Variants in PIWIL3 observed in about 807,000 individuals in gnomAD.
PIWIL3 encodes piwi-like protein 3.
Under a neutral mutation model 109.7 loss-of-function variants are expected in PIWIL3, and 101 were observed. The ratio of observed to expected loss-of-function variants is 0.92; its 90% CI spans 0.78 to 1.09. The LOEUF (loss-of-function observed/expected upper bound fraction) is 1.09. Ranked by LOEUF, PIWIL3 falls within the 50% of genes least tolerant of loss-of-function variation. The pLI is 0.00. For missense variants in PIWIL3, 1,031 were observed against 1,072.6 expected, an observed-to-expected ratio of 0.96 and a Z score of 0.54; for synonymous variants, 373 against 376.4, an observed-to-expected ratio of 0.99 and a Z score of 0.10.
At chr22:24,744,178 T>TAAAAAAAAAAAAAAAAAAAAAAAA (rs1188611412) in intron 12 of PIWIL3, among the ~76,000 whole-genome samples, 2 of 34,304 alleles carry the variant, frequency 5.8e-5, no homozygotes, top group Non-Finnish European at 5.7e-5. Flanking sequence ...GTGACCGAAT[T>TAAAAAAAAAAAAAAAAAAAAAAAA]AAAAAAAAAA....
intron 18 of PIWIL3, 148 bp downstream of exon 18, chr22:24,724,739 T>C: frequency 2.2e-6 from 2 of 926,204 alleles, no homozygotes; most frequent in Non-Finnish European, 3.1e-6. Flanking sequence ...ACCCGGCCAA[T>C]TTTTTCATTT....
chr22:24,722,304 T>G (rs571434298), intron 19 of PIWIL3, among the ~76,000 whole-genome samples: 145 of 152,224 alleles, frequency 9.5e-4, no homozygotes, highest in Non-Finnish European at 1.7e-3. Flanking sequence ...GGATGGTCTC[T>G]ATCTCTGGAC....
At chr22:24,748,846 CCT>C (rs1197848150) in intron 12 of PIWIL3, 59 bp downstream of exon 12, 1 of 1,331,394 alleles carries the variant, frequency 7.5e-7, no homozygotes, top group Non-Finnish European at 1.0e-6. Context: ...CAAGTTAGTT[CCT>C]TTTTGCTTTA....
In PIWIL3 at chr22:24,719,753, A is replaced by C; in HGVS notation, c.2500T>G (p.Leu834Val). The change falls in exon 20 of 21, where the codon TTG becomes GTG. Residue 834 changes from leucine to valine, a missense_variant. By Grantham distance (32) the Leu-to-Val change is conservative. Transcript: ENST00000616349. Reference protein sequence around the residue: ...TYCLCHMYYNLPGIIRVPAPC... With the variant: ...TYCLCHMYYNVPGIIRVPAPC... ...AAGTAACAAAAAGTACTTACTGGCA[A>C]ATTATAATACATGTGGCATAGACAA... 6.2e-7 allele frequency: 1 copy of C among 1,611,418 alleles called. No homozygotes were observed. Among genetic ancestry groups the C allele is most frequent in the African/African-American group, 1.3e-5 (1 of 74,996 alleles).
chr22:24,762,175 T>C, intron 2 of PIWIL3: 1 of 952,524 alleles, frequency 1.0e-6, no homozygotes, highest in Non-Finnish European at 1.4e-6. Flanking sequence ...AAAGTCAGTC[T>C]GCTTGCACAT....
chr22:24,747,155 G>A (rs141435885), intron 12 of PIWIL3, among the ~76,000 whole-genome samples: 74 of 152,104 alleles, frequency 4.9e-4, no homozygotes, highest in African/African-American at 1.7e-3. Flanking sequence ...ATCAGAAATA[G>A]AGAACCCAAA....
chr22:24,720,044 TAAAC>T (rs1000066715), intron 19 of PIWIL3, 149 bp from the exon 20 acceptor site: 20 of 691,850 alleles, frequency 2.9e-5, no homozygotes, highest in Non-Finnish European at 4.1e-5. Context: ...ACCTAACTGA[TAAAC>T]AACGATTTGA....
chr22:24,760,249 A>G (rs1925343541), intron 2 of PIWIL3, among the ~76,000 whole-genome samples: 1 of 152,166 alleles, frequency 6.6e-6, no homozygotes, highest in South Asian at 2.1e-4. Context: ...AGGTTTCACT[A>G]GCTGATGGGG....
rs1925485756 is a variant in PIWIL3, at chr22:24,762,336, T to C, written c.102+62A>G. On this transcript the variant is annotated intron_variant, in intron 2 of 20. Transcript: ENST00000616349. ...ACTAGCTTCGCTCAACAACCAACTCTATGTTCTTTTCAGTACAGGCACATA... is the reference window on the plus strand; with the variant it reads ...ACTAGCTTCGCTCAACAACCAACTCCATGTTCTTTTCAGTACAGGCACATA... The C allele has an allele frequency of 5.8e-6, 9 of 1,553,210 alleles. No homozygotes were observed. The South Asian group carries it at 1.0e-4, about 17-fold the overall frequency.
At chr22:24,773,174 C>A (rs1926221878) in intron 1 of PIWIL3, among the ~76,000 whole-genome samples, 1 of 152,148 alleles carries the variant, frequency 6.6e-6, no homozygotes, top group Non-Finnish European at 1.5e-5. Flanking sequence ...CCCTCTGACA[C>A]CGGATCCTAG....
intron 8 of PIWIL3, among the ~76,000 whole-genome samples, chr22:24,752,438 C>T (rs745424555): frequency 7.9e-5 from 12 of 152,028 alleles, no homozygotes; most frequent in South Asian, 2.1e-4. Context: ...CCAGCCTCTT[C>T]GCAGGCTATG....
intron 16 of PIWIL3, 37 bp from the exon 17 acceptor site, chr22:24,725,552 T>G: frequency 1.2e-6 from 2 of 1,606,192 alleles, no homozygotes; most frequent in Non-Finnish European, 1.7e-6. Flanking sequence ...GAAAACAAGA[T>G]TCTTAAAATC....
At chr22:24,770,562 C>A (rs1447552115) in intron 1 of PIWIL3, among the ~76,000 whole-genome samples, 1 of 151,318 alleles carries the variant, frequency 6.6e-6, no homozygotes, top group Non-Finnish European at 1.5e-5. Context: ...GTGGCTCATG[C>A]CTGTAATCTC....
At chr22:24,734,231 T>C in intron 13 of PIWIL3, 75 bp from the exon 14 acceptor site, 3 of 1,559,542 alleles carry the variant, frequency 1.9e-6, no homozygotes, top group South Asian at 1.2e-5. Flanking sequence ...GCAAATTAAA[T>C]ACAAAGTAAG....
chr22:24,768,823 C>T (rs1569114346), intron 1 of PIWIL3, among the ~76,000 whole-genome samples: 1 of 152,170 alleles, frequency 6.6e-6, no homozygotes, highest in Non-Finnish European at 1.5e-5. Flanking sequence ...ACTTTATTCT[C>T]AAGGAGATGA....
intron 3 of PIWIL3, among the ~76,000 whole-genome samples, chr22:24,758,515 G>A (rs961298261): frequency 2.0e-5 from 3 of 152,182 alleles, no homozygotes; most frequent in South Asian, 2.1e-4. Context: ...GGTTCATATC[G>A]ATGTAGCTAT....
chr22:24,774,541 C>G lies in PIWIL3; in HGVS notation c.-242G>C, dbSNP rs1926314398. The G allele has an allele frequency of 6.5e-6, 1 of 152,760 alleles. No individual in the cohort carries two copies. The highest frequency in any genetic ancestry group is 1.5e-5 in the Non-Finnish European group (1 of 68,516). The allele number at this position is 152,760 out of a possible 1,614,324, so 9.5% of individuals were successfully genotyped here. A position where few individuals can be genotyped will look rare whatever the true frequency, so the allele number is the denominator to read the frequency against. On this transcript the variant is annotated 5_prime_UTR_variant, in exon 1 of 21. Coordinates refer to ENST00000616349, the MANE Select transcript of PIWIL3 (RefSeq NM_001255975.1). ...AAACCGCTTTGGCCGGGCGCGGTGG[C>G]TCACGCCTGTAATCCCAGCACTTTG...
chr22:24,771,672 T>C (rs1378272048), intron 1 of PIWIL3, among the ~76,000 whole-genome samples: 3 of 152,100 alleles, frequency 2.0e-5, no homozygotes, highest in African/African-American at 7.2e-5. Context: ...TGCTATTCTA[T>C]AATTTTTTAT....
chr22:24,761,292 A>G (rs776823620), intron 2 of PIWIL3, among the ~76,000 whole-genome samples: 69 of 152,158 alleles, frequency 4.5e-4, no homozygotes, highest in Admixed American at 1.1e-3. Flanking sequence ...GGCAATATCA[A>G]GAGGCCATAG....
Sources: allele counts gnomAD v4.1 joint callset (sites outside exome capture counted in the v4.1 genomes callset), GRCh38; gene constraint gnomAD v4.1.1; transcripts MANE v1.5; gene names NCBI Gene and HGNC (gene_info 2026-07-23, HGNC 2026-07-21).